Variants in XIRP1 observed in about 807,000 individuals in gnomAD.
The protein encoded by XIRP1 is xin actin-binding repeat-containing protein 1.
For missense variants in XIRP1, 2,378 were observed against 2,345.4 expected (o/e 1.01, Z -0.29); for synonymous variants, 984 against 947.0 (o/e 1.04, Z -0.72).
chr3:39,185,092 C>T lies in XIRP1; in HGVS notation c.4354G>A (p.Gly1452Ser), dbSNP rs573496392. The T allele has an allele frequency of 6.5e-7, 1 of 1,527,764 alleles. No individual in the cohort carries two copies. The highest frequency in any genetic ancestry group is 1.3e-5 in the South Asian group (1 of 75,890). 94.6% of individuals were successfully genotyped at this position (1,527,764 alleles called of 1,614,324 possible). A position where few individuals can be genotyped will look rare whatever the true frequency, so the allele number is the denominator to read the frequency against. Residue 1452 changes from glycine (G) to serine (S), a missense_variant, in exon 2 of 2, where the codon GGT becomes AGT. Coordinates refer to ENST00000340369, the MANE Select transcript of XIRP1 (RefSeq NM_194293.4). ...CTCTCAGGGGCCCCTTGGTGGGAAC[C>T]TTCCATGGGCTGCTCTCCTGAGGGG... is the stretch of plus-strand genomic sequence containing the variant. The part of the protein sequence containing the change: ...PGPSGEQPME[G>S]SHQGAPESPD...
chr3:39,188,410 G>C lies in XIRP1; in HGVS notation c.1036C>G (p.Gln346Glu), dbSNP rs201620788. ...IPPGPDVQQQ[Q>E]HLFETRALDT... is the part of the protein sequence containing the mutation. ...AGCGCTCGGGTCTCAAACAGATGCT[G>C]CTGCTGCTGAACATCTGGACCAGGT... Residue 346 changes from glutamine to glutamate, a missense_variant, in exon 2 of 2, where the codon CAG becomes GAG. By Grantham distance (29) the Gln-to-Glu change is conservative (BLOSUM62 2). Coordinates refer to ENST00000340369, the MANE Select transcript of XIRP1 (RefSeq NM_194293.4). The C allele has an allele frequency of 6.2e-7, 1 of 1,607,898 alleles. No homozygotes were observed. Among genetic ancestry groups the C allele is most frequent in the Non-Finnish European group, 8.5e-7 (1 of 1,175,208 alleles).
rs1207165072 is a variant in XIRP1, at chr3:39,186,620, G to A, written c.2826C>T (p.His942=). 2 of 1,611,302 alleles carry A rather than the reference G, an allele frequency of 1.2e-6. No homozygotes were observed. The highest frequency in any genetic ancestry group is 1.7e-6 in the Non-Finnish European group (2 of 1,178,154). ...CAGCCGGGGGCTCCCACCGCAGACT[G>A]TGCAGGCCACTCAGGTCTCCTTTAT... The part of the protein sequence containing the change: ...CIDKGDLSGL[H]SLRWEPPADP... The change falls in exon 2 of 2, where the codon CAC becomes CAT. Residue 942 remains histidine (H), a synonymous_variant. Coordinates refer to ENST00000340369, the MANE Select transcript of XIRP1 (RefSeq NM_194293.4).
In XIRP1 at chr3:39,187,484, C is replaced by T; in HGVS notation, c.1962G>A (p.Gly654=). The T allele has an allele frequency of 6.2e-7, 1 of 1,614,062 alleles. No homozygotes were observed. Among genetic ancestry groups the T allele is most frequent in the South Asian group, 1.1e-5 (1 of 91,082 alleles). ...QHLQVSQVPA[G]ERQTDRHVFE... ...AGACGTGTCTGTCTGTCTGTCTTTCCCCAGCCGGGACCTGGCTAACCTGCA... is the reference window on the plus strand; with the variant it reads ...AGACGTGTCTGTCTGTCTGTCTTTCTCCAGCCGGGACCTGGCTAACCTGCA... Residue 654 remains glycine, a synonymous_variant, in exon 2 of 2, where the codon GGG becomes GGA. Transcript: ENST00000340369.
chr3:39,187,400 G>C lies in XIRP1; in HGVS notation c.2046C>G (p.Tyr682Ter). ...GRPCGRRPVRYCSRVEIPSGQ... is the reference protein window; with the variant it reads ...GRPCGRRPVR ...CTGAAGGGATCTCCACGCGGCTGCA[G>C]TATCTCACAGGCCGTCTTCCACAGG... The change falls in exon 2 of 2, where the codon TAC becomes TAG. Residue 682 changes from tyrosine (Y) to a stop codon, truncating the protein, a stop_gained. Coordinates refer to ENST00000340369, the MANE Select transcript of XIRP1 (RefSeq NM_194293.4). LOFTEE classifies it low-confidence loss of function (END_TRUNC). 1 of 1,614,204 alleles carries C rather than the reference G, an allele frequency of 6.2e-7. No homozygotes were observed. The highest frequency in any genetic ancestry group is 8.5e-7 in the Non-Finnish European group (1 of 1,180,042).
At chr3:39,191,810 T>C (rs1290406273) in intron 1 of XIRP1, among the ~76,000 whole-genome samples, 3 of 152,236 alleles carry the variant, frequency 2.0e-5, no homozygotes, top group Non-Finnish European at 4.4e-5. Flanking sequence ...AATTCAGATC[T>C]GGTCTCCCTC....
At position 39,185,847 on chromosome 3, in the gene XIRP1, G is replaced by A. The variant is rs1208431313; in HGVS notation, c.3599C>T (p.Thr1200Ile). 6.2e-7 allele frequency: 1 copy of A among 1,613,680 alleles called. No individual in the cohort carries two copies. Residue 1200 changes from threonine (T) to isoleucine (I), a missense_variant, in exon 2 of 2, where the codon ACA becomes ATA. By Grantham distance (89) the Thr-to-Ile change is moderately conservative (BLOSUM62 -1). Coordinates refer to ENST00000340369, the MANE Select transcript of XIRP1 (RefSeq NM_194293.4). ...GPGREEPGGCTQMAWGPPGKA... is the reference protein window; with the variant it reads ...GPGREEPGGCIQMAWGPPGKA... ...CCCTGGTGGCCCCCAGGCCATCTGT[G>A]TGCAGCCCCCAGGCTCCTCCCGCCC...
At position 39,187,808 on chromosome 3, in the gene XIRP1, G is replaced by A. The variant is rs569922103; in HGVS notation, c.1638C>T (p.Asp546=). ...CAAAAAGCCACCGAGCTGTGCCAAC[G>A]TCCCCAGCCACCACTTCCTGCCGGG... The part of the protein sequence containing the change: ...GITRQEVVAG[D]VGTARWLFET... Residue 546 remains aspartate, a synonymous_variant, in exon 2 of 2, where the codon GAC becomes GAT. Coordinates refer to ENST00000340369, the MANE Select transcript of XIRP1 (RefSeq NM_194293.4). The A allele has an allele frequency of 1.3e-5, 21 of 1,614,002 alleles. No homozygotes were observed. Among genetic ancestry groups the A allele is most frequent in the Admixed American group, 1.2e-4 (7 of 60,022 alleles).
rs1279975468 is a variant in XIRP1, at chr3:39,189,308, A to T, written c.138T>A (p.His46Gln). The change falls in exon 2 of 2, where the codon CAT becomes CAA. Residue 46 changes from histidine (H) to glutamine (Q), a missense_variant. Physicochemically the swap from His to Gln is conservative, Grantham distance 24. Transcript: ENST00000340369. ...GGAGCTCACTAGCTTGCCGCTGCTGATGGAACTTGGAGAAGGATTCCTTGG... is the reference window on the plus strand; with the variant it reads ...GGAGCTCACTAGCTTGCCGCTGCTGTTGGAACTTGGAGAAGGATTCCTTGG... ...PPPKESFSKFHQQRQASELRR... is the reference protein window; with the variant it reads ...PPPKESFSKFQQQRQASELRR... The T allele has an allele frequency of 1.4e-6, 2 of 1,416,896 alleles. No homozygotes were observed. The highest frequency in any genetic ancestry group is 3.7e-5 in the Admixed American group (2 of 53,686). 87.8% of individuals were successfully genotyped at this position (1,416,896 alleles called of 1,614,324 possible).
chr3:39,188,379 G>T lies in XIRP1; in HGVS notation c.1067C>A (p.Thr356Asn). ...QHLFETRALD[T>N]LKGDEEAGAE... The stretch of plus-strand genomic sequence containing the variant: ...TCCAGCCTCTTCGTCCCCCTTCAGA[G>T]TGTCCAGCGCTCGGGTCTCAAACAG... The change falls in exon 2 of 2, where the codon ACT becomes AAT. Residue 356 changes from threonine to asparagine, a missense_variant. Thr to Asn is a moderately conservative substitution (Grantham distance 65). Transcript: ENST00000340369. 6.2e-7 allele frequency: 1 copy of T among 1,613,998 alleles called. No individual in the cohort carries two copies. Among genetic ancestry groups the T allele is most frequent in the Non-Finnish European group, 8.5e-7 (1 of 1,179,876 alleles).
In XIRP1 at chr3:39,187,899, A is replaced by G. The variant is rs757606950; in HGVS notation, c.1547T>C (p.Phe516Ser). 3 of 1,613,920 alleles carry G rather than the reference A, an allele frequency of 1.9e-6. No individual in the cohort carries two copies. Among genetic ancestry groups the G allele is most frequent in the Admixed American group, 3.3e-5 (2 of 60,006 alleles). The change falls in exon 2 of 2, where the codon TTT becomes TCT. Residue 516 changes from phenylalanine (F) to serine (S), a missense_variant. Transcript: ENST00000340369. ...GGDVQGYRWM[F>S]ETQPLDQLGR... ...GAGCTGGTCTAGGGGCTGTGTCTCA[A>G]ACATCCACCTGTAGCCCTGCACATC...
At chr3:39,190,497 C>T (rs2040072831) in intron 1 of XIRP1, among the ~76,000 whole-genome samples, 1 of 152,100 alleles carries the variant, frequency 6.6e-6, no homozygotes, top group Non-Finnish European at 1.5e-5. Context: ...AGGGTCCTTT[C>T]TGCAGAGACA....
chr3:39,192,028 C>G (rs17786312), intron 1 of XIRP1, among the ~76,000 whole-genome samples: 21,735 of 152,256 alleles, frequency 0.14, 1,997 homozygotes, highest in Non-Finnish European at 0.2. Flanking sequence ...AATGCACACT[C>G]AGGCCTACTT....
At position 39,184,730 on chromosome 3, in the gene XIRP1, G is replaced by T. The variant is rs1383912565; in HGVS notation, c.4716C>A (p.Gly1572=). 3 of 1,614,130 alleles carry T rather than the reference G, an allele frequency of 1.9e-6. No homozygotes were observed. Among genetic ancestry groups the T allele is most frequent in the Non-Finnish European group, 8.5e-7 (1 of 1,180,048 alleles). Residue 1572 remains glycine (G), a synonymous_variant, in exon 2 of 2, where the codon GGC becomes GGA. Transcript: ENST00000340369. ...SSLQPEASAR[G]HFQGPPKDHS... ...GGTCTTTTGGAGGTCCCTGGAAATG[G>T]CCTCTGGCACTGGCCTCAGGCTGGA...
In XIRP1 at chr3:39,189,348, A is replaced by AG. The variant is rs149197827; in HGVS notation, c.97dup (p.Leu33ProfsTer20). 7.9e-7 allele frequency: 1 copy of AG among 1,261,300 alleles called. No homozygotes were observed. The allele number at this position is 1,261,300 out of a possible 1,614,324, so 78.1% of individuals were successfully genotyped here. ...GGATTCCTTGGGTGGCGGCAGTGGC[A>AG]GGTCCTCCAGGGCTGGGGGTGGAGG... On this transcript the variant is annotated frameshift_variant, in exon 2 of 2. Coordinates refer to ENST00000340369, the MANE Select transcript of XIRP1 (RefSeq NM_194293.4). LOFTEE classifies it low-confidence loss of function (END_TRUNC).
At position 39,188,301 on chromosome 3, in the gene XIRP1, A is replaced by G. The variant is rs746910449; in HGVS notation, c.1145T>C (p.Leu382Pro). ...CAGGGGCTTTGTTTCAAATAGCCAC[A>G]GGGTGGAGCGGACATCACCAGGGAC... ...EVVPGDVRST[L>P]WLFETKPLDA... Residue 382 changes from leucine (L) to proline (P), a missense_variant, in exon 2 of 2, where the codon CTG becomes CCG. Leu to Pro is a moderately conservative substitution (Grantham distance 98, BLOSUM62 -3). Transcript: ENST00000340369. 4 of 1,614,076 alleles carry G rather than the reference A, an allele frequency of 2.5e-6. No homozygotes were observed. The South Asian group carries it at 3.3e-5, about 13-fold the overall frequency.
Position 39,187,924 on chromosome 3 carries a change from C to G in XIRP1, c.1522G>C (p.Asp508His). The change falls in exon 2 of 2, where the codon GAT becomes CAT. Residue 508 changes from aspartate to histidine, a missense_variant. Physicochemically the swap from Asp to His is moderately conservative, Grantham distance 81. Coordinates refer to ENST00000340369, the MANE Select transcript of XIRP1 (RefSeq NM_194293.4). ...SVSREQIVGGDVQGYRWMFET... is the reference protein window; with the variant it reads ...SVSREQIVGGHVQGYRWMFET... ...AACATCCACCTGTAGCCCTGCACAT[C>G]ACCTCCGACTATCTGCTCTCTGCTA... is the stretch of plus-strand genomic sequence containing the variant. The G allele has an allele frequency of 1.2e-6, 2 of 1,614,226 alleles. No homozygotes were observed. Among genetic ancestry groups the G allele is most frequent in the Non-Finnish European group, 1.7e-6 (2 of 1,180,050 alleles).
In XIRP1 at chr3:39,189,175, C is replaced by A. The variant is rs201415282; in HGVS notation, c.271G>T (p.Val91Phe). Residue 91 changes from valine to phenylalanine, a missense_variant, in exon 2 of 2, where the codon GTT becomes TTT. Coordinates refer to ENST00000340369, the MANE Select transcript of XIRP1 (RefSeq NM_194293.4). ...LGSEEPTEGD[V>F]QCMRWIFENW... is the part of the protein sequence containing the mutation. The stretch of plus-strand genomic sequence containing the variant: ...TCAAAGATCCAGCGCATGCACTGAA[C>A]GTCACCCTCGGTGGGTTCCTCAGAG... 6.2e-7 allele frequency: 1 copy of A among 1,614,200 alleles called. No individual in the cohort carries two copies. The highest frequency in any genetic ancestry group is 1.3e-5 in the African/African-American group (1 of 75,080).
rs1056403043 is a variant in XIRP1, at chr3:39,183,503, T to A, written c.*411A>T. ...CTCCAGGGATTAAGGAGCAGATGGCTGGGAACACTCAGACTAATTAAAGAA... is the reference window on the plus strand; with the variant it reads ...CTCCAGGGATTAAGGAGCAGATGGCAGGGAACACTCAGACTAATTAAAGAA... On this transcript the variant is annotated 3_prime_UTR_variant, in exon 2 of 2. Transcript: ENST00000340369. 5.8e-6 allele frequency: 1 copy of A among 172,794 alleles called. No homozygotes were observed. Among genetic ancestry groups the A allele is most frequent in the African/African-American group, 2.4e-5 (1 of 41,868 alleles). 10.7% of individuals were successfully genotyped at this position (172,794 alleles called of 1,614,324 possible). A position where few individuals can be genotyped will look rare whatever the true frequency, so the allele number is the denominator to read the frequency against.
Position 39,187,247 on chromosome 3 carries a change from C to A in XIRP1, c.2199G>T (p.Glu733Asp). 4 of 1,582,490 alleles carry A rather than the reference C, an allele frequency of 2.5e-6. No homozygotes were observed. The highest frequency in any genetic ancestry group is 3.4e-6 in the Non-Finnish European group (4 of 1,161,700). The change falls in exon 2 of 2, where the codon GAG becomes GAT. Residue 733 changes from glutamate (E) to aspartate (D), a missense_variant. Physicochemically the swap from Glu to Asp is conservative, Grantham distance 45. Transcript: ENST00000340369. ...GSVHKFTWLF[E>D]NCPMGSLAAE... ...CTGCCAGGGAGCCCATGGGACAATT[C>A]TCAAAAAGCCAAGTGAACTTGTGGA...
Sources: allele counts gnomAD v4.1 joint callset (sites outside exome capture counted in the v4.1 genomes callset), GRCh38; gene constraint gnomAD v4.1.1; transcripts MANE v1.5; gene names NCBI Gene and HGNC (gene_info 2026-07-23, HGNC 2026-07-21).